SLC9C1: variants seen among roughly 807,000 people sequenced by gnomAD.
SLC9C1 encodes sodium/hydrogen exchanger 10.
Under a neutral mutation model 140.9 loss-of-function variants are expected in SLC9C1, and 97 were observed. That is an observed-to-expected ratio of 0.69 (90% confidence interval 0.58 to 0.82). SLC9C1 has a LOEUF of 0.82. SLC9C1 is among the 40% of genes least tolerant of loss of function. The pLI is 0.00. For synonymous variants in SLC9C1, 440 were observed against 442.6 expected (o/e 0.99, Z 0.07); for missense variants, 1,340 against 1,389.3 (o/e 0.96, Z 0.56).
intron 4 of SLC9C1, among the ~76,000 whole-genome samples, chr3:112,278,282 A>G (rs893014679): frequency 8.5e-5 from 13 of 152,170 alleles, no homozygotes; most frequent in African/African-American, 3.1e-4. Flanking sequence ...CAAATCTCAC[A>G]TATTAAAAAA....
intron 20 of SLC9C1, among the ~76,000 whole-genome samples, chr3:112,190,891 A>C (rs1214099801): frequency 4.0e-5 from 6 of 151,226 alleles, no homozygotes; most frequent in Admixed American, 4.0e-4. Context: ...CAATATATAA[A>C]GTTTTAAATT....
intron 26 of SLC9C1, among the ~76,000 whole-genome samples, chr3:112,166,039 G>T (rs2077126232): frequency 7.8e-6 from 1 of 127,718 alleles, no homozygotes; most frequent in South Asian, 2.9e-4. Context: ...AGCAGTGAGT[G>T]AGGCTCCGTG....
chr3:112,167,169 T>C, intron 26 of SLC9C1, 52 bp downstream of exon 26: 1 of 1,588,224 alleles, frequency 6.3e-7, no homozygotes, highest in Non-Finnish European at 8.6e-7. Flanking sequence ...CATATGGCTA[T>C]TTTATAAAGG....
intron 21 of SLC9C1, among the ~76,000 whole-genome samples, chr3:112,181,567 T>TA (rs1368639437): frequency 1.3e-5 from 2 of 152,098 alleles, no homozygotes; most frequent in Non-Finnish European, 1.5e-5. Context: ...GTAGATGAGA[T>TA]AAAAAATATA....
At chr3:112,236,499 G>T (rs2078990679) in intron 12 of SLC9C1, among the ~76,000 whole-genome samples, 1 of 151,978 alleles carries the variant, frequency 6.6e-6, no homozygotes, top group Admixed American at 6.6e-5. Flanking sequence ...GTTATTTCTT[G>T]CCTTCTGCTA....
chr3:112,207,888 CCCT>C (rs2078099544), intron 16 of SLC9C1, among the ~76,000 whole-genome samples: 1 of 152,158 alleles, frequency 6.6e-6, no homozygotes, highest in African/African-American at 2.4e-5. Flanking sequence ...GTACTCACCA[CCCT>C]GCTAAGACTG....
intron 13 of SLC9C1, 27 bp from the exon 14 acceptor site, chr3:112,221,252 A>T: frequency 6.4e-7 from 1 of 1,570,802 alleles, no homozygotes; most frequent in Non-Finnish European, 8.7e-7. Flanking sequence ...TCAAGTCATT[A>T]TATAGCATGA....
At chr3:112,207,378 G>A (rs4450779) in intron 16 of SLC9C1, among the ~76,000 whole-genome samples, 15,841 of 152,106 alleles carry the variant, frequency 0.1, 889 homozygotes, top group East Asian at 0.2. Context: ...TATGATCTAC[G>A]GCTCTGGATA....
At chr3:112,148,070 C>A (rs2074856704) in intron 28 of SLC9C1, among the ~76,000 whole-genome samples, 1 of 152,150 alleles carries the variant, frequency 6.6e-6, no homozygotes, top group Non-Finnish European at 1.5e-5. Context: ...ATAACATTTT[C>A]AATTGTATTT....
In SLC9C1 at chr3:112,274,911, C is replaced by A. The variant is rs773412838; in HGVS notation, c.599G>T (p.Arg200Ile). Residue 200 changes from arginine (R) to isoleucine (I), a missense_variant, in exon 6 of 29, where the codon AGA becomes ATA. Physicochemically the swap from Arg to Ile is moderately conservative, Grantham distance 97. Transcript: ENST00000305815. ...AATATACTTACCTAAGGTATGGTTT[C>A]TTTTACTTTGTAGTCTTTGGTCAAA... is the stretch of plus-strand genomic sequence containing the variant. ...MDFDQRLQSK[R>I]NHTLAEEIVG... The A allele has an allele frequency of 1.3e-5, 20 of 1,555,038 alleles. No homozygotes were observed. The Admixed American group carries it at 3.1e-4, about 24-fold the overall frequency.
At chr3:112,158,541 A>G (rs2075193458) in intron 26 of SLC9C1, among the ~76,000 whole-genome samples, 1 of 151,930 alleles carries the variant, frequency 6.6e-6, no homozygotes, top group African/African-American at 2.4e-5. Flanking sequence ...AGTAGAATAA[A>G]TTTAAAAGTA....
intron 15 of SLC9C1, among the ~76,000 whole-genome samples, chr3:112,215,536 A>G (rs934137193): frequency 4.8e-4 from 73 of 152,268 alleles, no homozygotes; most frequent in African/African-American, 1.7e-3. Flanking sequence ...TCAATGTACA[A>G]AAATCACAAG....
At chr3:112,168,348 CACACACACACACACACACA>C (rs1250534729) in intron 25 of SLC9C1, among the ~76,000 whole-genome samples, 11 of 112,316 alleles carry the variant, frequency 9.8e-5, no homozygotes, top group East Asian at 7.0e-4. Flanking sequence ...CACACACACA[CACACACACACACACACACA>C]ACTTCTTTCC....
In SLC9C1 at chr3:112,179,620, A is replaced by G; in HGVS notation, c.2830T>C (p.Tyr944His). The G allele has an allele frequency of 6.2e-7, 1 of 1,611,954 alleles. No individual in the cohort carries two copies. The highest frequency in any genetic ancestry group is 8.5e-7 in the Non-Finnish European group (1 of 1,179,136). Residue 944 changes from tyrosine to histidine, a missense_variant, in exon 23 of 29, where the codon TAT (tyrosine) becomes CAT (histidine). Coordinates refer to ENST00000305815, the MANE Select transcript of SLC9C1 (RefSeq NM_183061.3). ...CCTATTATTTCTCCACTGAGCATAT[A>G]GTCTGTGTCAATTATCGGAAAATCT... Reference protein sequence around the residue: ...EKDFPIIDTDYMLSGEIIGEI... With the variant: ...EKDFPIIDTDHMLSGEIIGEI...
chr3:112,199,471 TA>T lies in SLC9C1; in HGVS notation c.2375-3del, dbSNP rs2077850378. The T allele has an allele frequency of 1.3e-6, 2 of 1,552,116 alleles. No individual in the cohort carries two copies. Among genetic ancestry groups the T allele is most frequent in the Non-Finnish European group, 1.7e-6 (2 of 1,157,220 alleles). On this transcript the variant is annotated splice_polypyrimidine_tract_variant and splice_region_variant and intron_variant, in intron 19 of 28. Coordinates refer to ENST00000305815, the MANE Select transcript of SLC9C1 (RefSeq NM_183061.3). ...CTGGGTGATCATACTCTAAGTAGCC[TA>T]AAAAATAACAAAATATTTTTAGATT...
At chr3:112,185,911 G>A (rs2077529682) in intron 20 of SLC9C1, 1 of 1,576,994 alleles carries the variant, frequency 6.3e-7, no homozygotes. Flanking sequence ...ACCACGTACC[G>A]CCCCGCCGGG....
At chr3:112,186,728 C>T (rs966045011) in intron 20 of SLC9C1, among the ~76,000 whole-genome samples, 7 of 152,150 alleles carry the variant, frequency 4.6e-5, no homozygotes, top group African/African-American at 1.7e-4. Context: ...GTAATCAAGA[C>T]AATATGATTT....
At chr3:112,145,704 T>TG (rs2074771600) in intron 28 of SLC9C1, among the ~76,000 whole-genome samples, 1 of 151,240 alleles carries the variant, frequency 6.6e-6, no homozygotes, top group Non-Finnish European at 1.5e-5. Context: ...CTTGGGAGAT[T>TG]GTGTGGTCCC....
chr3:112,212,481 C>T (rs576480983), intron 15 of SLC9C1, among the ~76,000 whole-genome samples: 1 of 152,260 alleles, frequency 6.6e-6, no homozygotes, highest in African/African-American at 2.4e-5. Flanking sequence ...AAATGGCTAA[C>T]TAGAATAACC....
Sources: allele counts gnomAD v4.1 joint callset (sites outside exome capture counted in the v4.1 genomes callset), GRCh38; gene constraint gnomAD v4.1.1; transcripts MANE v1.5; gene names NCBI Gene and HGNC (gene_info 2026-07-23, HGNC 2026-07-21).